Variants in FYTTD1 observed in about 807,000 individuals in gnomAD.
FYTTD1 encodes the protein forty-two-three domain containing 1.
In FYTTD1, 22 loss-of-function variants were observed where a neutral mutation model predicts 40.9. The ratio of observed to expected loss-of-function variants is 0.54; its 90% CI spans 0.38 to 0.77. The LOEUF (loss-of-function observed/expected upper bound fraction) is 0.77. Among genes scored for constraint, FYTTD1 ranks in the 30% least tolerant of loss-of-function variants. FYTTD1 has a pLI of 0.00. For missense variants in FYTTD1, 351 were observed against 392.2 expected, an observed-to-expected ratio of 0.90 and a Z score of 0.89; for synonymous variants, 140 against 137.9, an observed-to-expected ratio of 1.01 and a Z score of -0.10.
At chr3:197,779,841 C>G (rs982926018) in intron 8 of FYTTD1, among the ~76,000 whole-genome samples, 5 of 142,720 alleles carry the variant, frequency 3.5e-5, no homozygotes, top group African/African-American at 1.3e-4. Context: ...CCTGGGGATG[C>G]AGGCACACAC....
chr3:197,774,258 T>G (rs1329009446), intron 6 of FYTTD1, 48 bp downstream of exon 6: 5 of 1,407,856 alleles, frequency 3.6e-6, no homozygotes, highest in Non-Finnish European at 4.0e-6. Flanking sequence ...ACTCCCAGAA[T>G]ACTAACTACC....
At chr3:197,765,755 C>T (rs947986703) in intron 2 of FYTTD1, among the ~76,000 whole-genome samples, 5 of 151,794 alleles carry the variant, frequency 3.3e-5, no homozygotes, top group East Asian at 3.9e-4. Flanking sequence ...CAAGCACTCT[C>T]GGAGGCTGAG....
chr3:197,781,682 T>C (rs1232044160), intron 8 of FYTTD1, 129 bp from the exon 9 acceptor site: 1 of 616,228 alleles, frequency 1.6e-6, no homozygotes, highest in Non-Finnish European at 2.9e-6. Context: ...TGTAAATATT[T>C]AGGAAATTTT....
At chr3:197,762,062 C>T (rs1207351458) in intron 2 of FYTTD1, among the ~76,000 whole-genome samples, 1 of 152,136 alleles carries the variant, frequency 6.6e-6, no homozygotes, top group Non-Finnish European at 1.5e-5. Context: ...TGTAAGGACA[C>T]TAATCCCATT....
chr3:197,777,573 G>A lies in FYTTD1; in HGVS notation c.731+572G>A, dbSNP rs141157764. On this transcript the variant is annotated intron_variant, in intron 7 of 8. Coordinates refer to ENST00000241502, the MANE Select transcript of FYTTD1 (RefSeq NM_032288.7). ...TATTTTTGTGTACAATAATAAACGAGATGATGGTATACATGCTACTTCTCC... is the reference window on the plus strand; with the variant it reads ...TATTTTTGTGTACAATAATAAACGAAATGATGGTATACATGCTACTTCTCC... 3.3e-3 allele frequency among the ~76,000 whole-genome samples: 496 copies of A among 152,226 alleles called. 3 individuals carry two copies. The highest frequency in any genetic ancestry group is 0.02 in the Middle Eastern group (6 of 294).
chr3:197,774,078 AGAG>A, intron 5 of FYTTD1, 68 bp from the exon 6 acceptor site: 1 of 1,307,124 alleles, frequency 7.7e-7, no homozygotes, highest in South Asian at 1.2e-5. Flanking sequence ...AGGAAGTTCC[AGAG>A]CAGGATCGCT....
chr3:197,770,227 T>C lies in FYTTD1; in HGVS notation c.480T>C (p.Pro160=). The C allele has an allele frequency of 6.2e-7, 1 of 1,607,838 alleles. No homozygotes were observed. The highest frequency in any genetic ancestry group is 1.7e-5 in the Admixed American group (1 of 59,644). ...AACCAGTAGCAGTTCTCAAGAGACC[T>C]AGCCAGCTAAGCAGAAAGTAAGTGC... ...QRKPVAVLKR[P]SQLSRKNNIP... The change falls in exon 4 of 9, where the codon CCT becomes CCC. Residue 160 remains proline (P), a synonymous_variant. Coordinates refer to ENST00000241502, the MANE Select transcript of FYTTD1 (RefSeq NM_032288.7).
chr3:197,778,546 TA>T, intron 8 of FYTTD1, 82 bp downstream of exon 8: 1 of 973,412 alleles, frequency 1.0e-6, no homozygotes. Context: ...TAGTGAATTA[TA>T]AACAAGGTAT....
Position 197,749,998 on chromosome 3 carries a change from G to A in FYTTD1, c.27G>A (p.Val9=). Residue 9 remains valine, a synonymous_variant, in exon 1 of 9, where the codon GTG becomes GTA. Coordinates refer to ENST00000241502, the MANE Select transcript of FYTTD1 (RefSeq NM_032288.7). The stretch of plus-strand genomic sequence containing the variant: ...TGAACCGGTTTGGTACCCGGTTGGT[G>A]GGAGCCACGGCGACTTCTTCGCCGC... The part of the protein sequence containing the change: MNRFGTRL[V]GATATSSPPP... 1 of 1,583,182 alleles carries A rather than the reference G, an allele frequency of 6.3e-7. No homozygotes were observed. Among genetic ancestry groups the A allele is most frequent in the Non-Finnish European group, 8.6e-7 (1 of 1,166,574 alleles).
At position 197,783,483 on chromosome 3, in the gene FYTTD1, T is replaced by A. The variant is rs1228472755; in HGVS notation, c.*1574T>A. 1 of 152,652 alleles carries A rather than the reference T, an allele frequency of 6.6e-6. No homozygotes were observed. Among genetic ancestry groups the A allele is most frequent in the Admixed American group, 6.5e-5 (1 of 15,278 alleles). 9.5% of individuals were successfully genotyped at this position (152,652 alleles called of 1,614,324 possible). A position where few individuals can be genotyped will look rare whatever the true frequency, so the allele number is the denominator to read the frequency against. On this transcript the variant is annotated 3_prime_UTR_variant, in exon 9 of 9. Transcript: ENST00000241502. ...ACAGTTTCATGCTTATACCAAAGAA[T>A]TAAATCTGATCTTTAATATCTGATA... is the stretch of plus-strand genomic sequence containing the variant.
intron 5 of FYTTD1, among the ~76,000 whole-genome samples, chr3:197,773,880 A>G (rs1463601420): frequency 6.6e-6 from 1 of 150,668 alleles, no homozygotes; most frequent in East Asian, 1.9e-4. Flanking sequence ...CACACGCCCC[A>G]CTGGGTTAGG....
chr3:197,773,220 C>T (rs559362198), intron 4 of FYTTD1, among the ~76,000 whole-genome samples, 183 bp from the exon 5 acceptor site: 7 of 152,184 alleles, frequency 4.6e-5, no homozygotes, highest in African/African-American at 1.4e-4. Context: ...TGCTATGCTT[C>T]GGAGGGAGGT....
At chr3:197,779,060 A>G (rs1729951982) in intron 8 of FYTTD1, among the ~76,000 whole-genome samples, 1 of 152,168 alleles carries the variant, frequency 6.6e-6, no homozygotes, top group Non-Finnish European at 1.5e-5. Context: ...AACACTCACT[A>G]TTATCTGCTG....
intron 2 of FYTTD1, among the ~76,000 whole-genome samples, chr3:197,758,775 C>T (rs1287737151): frequency 1.3e-5 from 2 of 152,214 alleles, no homozygotes; most frequent in Admixed American, 6.5e-5. Flanking sequence ...TTGTCTTAAA[C>T]TCTGATTGGC....
intron 6 of FYTTD1, among the ~76,000 whole-genome samples, chr3:197,776,188 C>T (rs1252072329): frequency 6.6e-6 from 1 of 150,948 alleles, no homozygotes; most frequent in African/African-American, 2.4e-5. Flanking sequence ...CGAACTAAAT[C>T]TTTATTCATC....
chr3:197,767,537 C>G (rs1729587891), intron 2 of FYTTD1, among the ~76,000 whole-genome samples: 1 of 151,308 alleles, frequency 6.6e-6, no homozygotes, highest in South Asian at 2.1e-4. Flanking sequence ...GGGTCTCACT[C>G]TGTTGCAGCC....
chr3:197,765,495 A>G (rs780145718), intron 2 of FYTTD1, among the ~76,000 whole-genome samples: 3 of 152,146 alleles, frequency 2.0e-5, no homozygotes, highest in Non-Finnish European at 4.4e-5. Flanking sequence ...TTTTCCCAAT[A>G]TGGTTTAATC....
At chr3:197,779,920 G>T (rs1729980734) in intron 8 of FYTTD1, among the ~76,000 whole-genome samples, 1 of 141,670 alleles carries the variant, frequency 7.1e-6, no homozygotes, top group Non-Finnish European at 1.5e-5. Context: ...CACACCTGGG[G>T]ATGCAGGCAC....
At position 197,750,084 on chromosome 3, in the gene FYTTD1, C is replaced by G. The variant is rs769643926; in HGVS notation, c.103+10C>G. ...ATAGATATGTCTTTGGGTGAGGGGCCGAGTTGGACCGAGTTGGAGTGCGGG... is the reference window on the plus strand; with the variant it reads ...ATAGATATGTCTTTGGGTGAGGGGCGGAGTTGGACCGAGTTGGAGTGCGGG... On this transcript the variant is annotated intron_variant, in intron 1 of 8. Transcript: ENST00000241502. The G allele has an allele frequency of 5.2e-6, 8 of 1,541,996 alleles. No homozygotes were observed. The highest frequency in any genetic ancestry group is 7.0e-6 in the Non-Finnish European group (8 of 1,139,642).
Sources: allele counts gnomAD v4.1 joint callset (sites outside exome capture counted in the v4.1 genomes callset), GRCh38; gene constraint gnomAD v4.1.1; transcripts MANE v1.5; gene names NCBI Gene and HGNC (gene_info 2026-07-23, HGNC 2026-07-21).